The following GUCY2C variants were observed in gnomAD, a reference collection of about 807,000 sequenced individuals.
GUCY2C encodes the protein guanylyl cyclase C.
In GUCY2C, 118 loss-of-function variants were observed where a neutral mutation model predicts 131.1. The ratio of observed to expected loss-of-function variants is 0.90; its 90% confidence interval spans 0.78 to 1.05. The LOEUF is 1.05. Ranked by LOEUF, GUCY2C falls within the 50% of genes least tolerant of loss-of-function variation. The pLI, the probability that GUCY2C is intolerant of heterozygous loss-of-function variation, is 0.00. For missense variants in GUCY2C, 1,161 were observed against 1,304.4 expected, an observed-to-expected ratio of 0.89 and a Z score of 1.69; for synonymous variants, 452 against 457.8, an observed-to-expected ratio of 0.99 and a Z score of 0.16.
intron 19 of GUCY2C, among the ~76,000 whole-genome samples, chr12:14,633,774 T>C (rs10846031): frequency 0.93 from 141,799 of 151,972 alleles, 66,906 homozygotes; most frequent in Non-Finnish European, 1. Context: ...ACACAAGATA[T>C]ATTGGAAAGC....
At position 14,613,094 on chromosome 12, in the gene GUCY2C, G is replaced by A. The variant is rs779014715; in HGVS notation, c.*23C>T. The A allele has an allele frequency of 1.3e-6, 2 of 1,593,760 alleles. No homozygotes were observed. Among genetic ancestry groups the A allele is most frequent in the South Asian group, 2.2e-5 (2 of 90,624 alleles). On this transcript the variant is annotated 3_prime_UTR_variant, in exon 27 of 27. Coordinates refer to ENST00000261170, the MANE Select transcript of GUCY2C (RefSeq NM_004963.4). The surrounding 1 kb of genome is among the most constrained non-coding windows in gnomAD (Gnocchi z 4.9). ...AGTGCAGCTGTATTTTAATTTGTGTGAGTCCTTATACCTCATTTAGGTTTA... is the reference window on the plus strand; with the variant it reads ...AGTGCAGCTGTATTTTAATTTGTGTAAGTCCTTATACCTCATTTAGGTTTA...
intron 11 of GUCY2C, among the ~76,000 whole-genome samples, chr12:14,660,237 T>A (rs1013535606): frequency 9.8e-5 from 15 of 152,372 alleles, no homozygotes; most frequent in African/African-American, 3.6e-4. Context: ...AACCTGGTAA[T>A]ATAATACAGT....
chr12:14,621,916 C>T, intron 22 of GUCY2C, 89 bp downstream of exon 22: 1 of 851,482 alleles, frequency 1.2e-6, no homozygotes, highest in Non-Finnish European at 1.8e-6. Context: ...CTAGAGCGGT[C>T]AAGAGTAGTA....
rs753574088 is a variant in GUCY2C, at chr12:14,683,040, A to G, written c.611+2T>C. The stretch of plus-strand genomic sequence containing the variant: ...TAGTGAAATATTAATGATCCTGCTT[A>G]CCAGAAACAGTCCTCAGTTTCTGTA... On this transcript the variant is annotated splice_donor_variant, in intron 4 of 26. Transcript: ENST00000261170. LOFTEE classifies it high-confidence loss of function. The G allele has an allele frequency of 1.9e-6, 3 of 1,592,376 alleles. No homozygotes were observed. The highest frequency in any genetic ancestry group is 2.2e-5 in the South Asian group (2 of 90,660).
chr12:14,657,128 G>T (rs1295664957), intron 11 of GUCY2C, among the ~76,000 whole-genome samples: 1 of 152,072 alleles, frequency 6.6e-6, no homozygotes, highest in Non-Finnish European at 1.5e-5. Flanking sequence ...GGGGTTTGGG[G>T]ACCCCTGTTT....
Position 14,625,909 on chromosome 12 carries a change from A to G in GUCY2C, c.2256T>C (p.Phe752=), listed in dbSNP as rs763353051. 297 of 1,607,406 alleles carry G rather than the reference A, an allele frequency of 1.8e-4. 6 individuals are homozygous for G. The highest frequency in any genetic ancestry group is 1.7e-3 in the South Asian group (155 of 90,902). Residue 752 remains phenylalanine, a synonymous_variant, in exon 21 of 27, where the codon TTT becomes TTC. Coordinates refer to ENST00000261170, the MANE Select transcript of GUCY2C (RefSeq NM_004963.4). ...TATAGCTTTCATTTTTTTGGTCATG[A>G]AAAAGTCTGTAGGTAGTAATAGATA... ...ETTLAKIFGL[F]HDQKNESYMD...
chr12:14,646,023 A>G (rs2137029167), intron 15 of GUCY2C, among the ~76,000 whole-genome samples: 1 of 151,918 alleles, frequency 6.6e-6, no homozygotes, highest in African/African-American at 2.4e-5. Flanking sequence ...TTTACTAGAG[A>G]CGGGGTTTCG....
intron 19 of GUCY2C, among the ~76,000 whole-genome samples, chr12:14,633,939 T>G (rs1039222349): frequency 9.2e-5 from 14 of 152,268 alleles, no homozygotes; most frequent in African/African-American, 2.9e-4. Flanking sequence ...ATACTTAAAA[T>G]TTTTGGTGTC....
chr12:14,636,111 A>C (rs919156886), intron 19 of GUCY2C, among the ~76,000 whole-genome samples: 5 of 152,232 alleles, frequency 3.3e-5, no homozygotes, highest in Non-Finnish European at 5.9e-5. Flanking sequence ...CAAGGCCAGC[A>C]GTACCCTCAT....
intron 10 of GUCY2C, among the ~76,000 whole-genome samples, 164 bp downstream of exon 10, chr12:14,669,558 C>T (rs759328474): frequency 6.6e-5 from 10 of 152,060 alleles, no homozygotes; most frequent in Non-Finnish European, 1.2e-4. Context: ...ATTCATTGTG[C>T]AGGGAAGTAA....
At chr12:14,648,888 A>G (rs1357300924) in intron 15 of GUCY2C, among the ~76,000 whole-genome samples, 3 of 152,234 alleles carry the variant, frequency 2.0e-5, no homozygotes, top group African/African-American at 4.8e-5. Flanking sequence ...TATGATAGAC[A>G]GTCTTTGCAA....
chr12:14,651,840 A>G (rs779961027), intron 14 of GUCY2C, 119 bp downstream of exon 14: 2 of 626,892 alleles, frequency 3.2e-6, no homozygotes, highest in Non-Finnish European at 5.7e-6. Context: ...CAAGAAATAT[A>G]GTCACCATTT....
Position 14,696,289 on chromosome 12 carries a change from A to G in GUCY2C, c.160T>C (p.Leu54=). ...NSAFAEPLKN[L]EDAVNEGLEI... is the part of the protein sequence containing the mutation. ...AGCCCCTCATTCACCGCATCTTCCA[A>G]GTTTTTCAGGGGCTCTGCAAAGGCT... The change falls in exon 1 of 27, where the codon TTG becomes CTG. Residue 54 remains leucine, a synonymous_variant. Transcript: ENST00000261170. 6.2e-7 allele frequency: 1 copy of G among 1,614,026 alleles called. No individual in the cohort carries two copies. Among genetic ancestry groups the G allele is most frequent in the Non-Finnish European group, 8.5e-7 (1 of 1,180,006 alleles).
intron 19 of GUCY2C, among the ~76,000 whole-genome samples, chr12:14,635,856 G>C (rs980301880): frequency 1.3e-5 from 2 of 152,086 alleles, no homozygotes; most frequent in African/African-American, 2.4e-5. Context: ...AAAATATAGA[G>C]GAAGTGGAGA....
At chr12:14,625,327 A>ATT (rs10574172) in intron 21 of GUCY2C, among the ~76,000 whole-genome samples, 1 of 129,980 alleles carries the variant, frequency 7.7e-6, no homozygotes, top group African/African-American at 2.8e-5. Context: ...AAGTACATGC[A>ATT]TTTTTTTTTT....
chr12:14,648,084 C>T (rs1279069819), intron 15 of GUCY2C, among the ~76,000 whole-genome samples: 1 of 151,944 alleles, frequency 6.6e-6, no homozygotes, highest in Non-Finnish European at 1.5e-5. Flanking sequence ...CCTCAGCCTC[C>T]CAAGTAGCTG....
intron 17 of GUCY2C, 107 bp downstream of exon 17, chr12:14,643,467 C>T: frequency 2.1e-6 from 2 of 946,446 alleles, no homozygotes; most frequent in South Asian, 3.1e-5. Flanking sequence ...TCTCTTGTGG[C>T]TTTAAGTGCT....
rs78609555 is a variant in GUCY2C, at chr12:14,682,782, G to T, written c.611+260C>A. Among the ~76,000 whole-genome samples, 5,075 of 152,246 alleles carry T rather than the reference G, an allele frequency of 0.033. 285 individuals carry two copies. Among genetic ancestry groups the T allele is most frequent in the African/African-American group, 0.12 (4,879 of 41,550 alleles). On this transcript the variant is annotated intron_variant, in intron 4 of 26. Transcript: ENST00000261170. ...TTTTATTTTCTTCAGATAACGTACT[G>T]CAGGAAATCAATAAAACTGATGTGA...
intron 17 of GUCY2C, among the ~76,000 whole-genome samples, chr12:14,643,316 C>T (rs1237853813): frequency 6.6e-6 from 1 of 152,058 alleles, no homozygotes; most frequent in African/African-American, 2.4e-5. Context: ...GTTCTGCTCC[C>T]ACAAGCCATT....
Sources: gnomAD v4.1 joint callset for allele counts (sites outside exome capture counted in the v4.1 genomes callset) on GRCh38, gnomAD v4.1.1 for gene constraint, Gnocchi (gnomAD v3.1) non-coding constraint, MANE v1.5 for transcripts, NCBI Gene and HGNC (gene_info 2026-07-23, HGNC 2026-07-21) for gene names.